Variants in GRIN2B observed in about 807,000 individuals in gnomAD.
The protein encoded by GRIN2B is glutamate receptor ionotropic, NMDA 2B.
Under a neutral mutation model 114.5 loss-of-function variants are expected in GRIN2B, and 5 were observed. The observed-to-expected ratio is 0.04, with a 90% CI of 0.02 to 0.09. The LOEUF (loss-of-function observed/expected upper bound fraction) is 0.09, where lower values mean the gene tolerates loss of function less well. GRIN2B is among the 10% of genes least tolerant of loss of function. The pLI is 1.00. For synonymous variants in GRIN2B, 787 were observed against 745.1 expected (o/e 1.06, Z -0.92); for missense variants, 1,108 against 1,943.5 (o/e 0.57, Z 8.08).
At position 13,816,894 on chromosome 12, in the gene GRIN2B, C is replaced by T. The variant is rs551775542; in HGVS notation, c.411+48904G>A. Among the ~76,000 whole-genome samples the T allele has an allele frequency of 3.9e-5, 6 of 152,260 alleles. No homozygotes were observed. The South Asian group carries it at 1.2e-3, about 32-fold the overall frequency. On this transcript the variant is annotated intron_variant, in intron 3 of 13. Coordinates refer to ENST00000609686, the MANE Select transcript of GRIN2B (RefSeq NM_000834.5). ...ATCTAAACCTAAGTCAAAAACCCTA[C>T]ACTTGAAATTGGAAAAATACAAATC...
intron 5 of GRIN2B, among the ~76,000 whole-genome samples, chr12:13,653,474 CG>C (rs974617497): frequency 6.6e-6 from 1 of 151,470 alleles, no homozygotes; most frequent in Non-Finnish European, 1.5e-5. Flanking sequence ...AGATCAAAAA[CG>C]GTACCCTGGA....
intron 4 of GRIN2B, among the ~76,000 whole-genome samples, chr12:13,718,562 G>T (rs146388541): frequency 1.3e-5 from 2 of 152,082 alleles, no homozygotes; most frequent in East Asian, 3.9e-4. Context: ...TTTTTATGGC[G>T]TTGGAAAGCT....
intron 3 of GRIN2B, among the ~76,000 whole-genome samples, chr12:13,831,789 G>A (rs1865152747): frequency 6.6e-6 from 1 of 152,194 alleles, no homozygotes; most frequent in Non-Finnish European, 1.5e-5. Flanking sequence ...TAAACACTGT[G>A]TGCTGACATA....
intron 2 of GRIN2B, among the ~76,000 whole-genome samples, chr12:13,937,348 C>A (rs1482656027): frequency 1.3e-5 from 2 of 151,796 alleles, no homozygotes; most frequent in African/African-American, 2.4e-5. Flanking sequence ...GGAATCAAAC[C>A]TAATTACATC....
chr12:13,901,408 A>G (rs1157971916), intron 2 of GRIN2B, among the ~76,000 whole-genome samples: 1 of 152,160 alleles, frequency 6.6e-6, no homozygotes, highest in African/African-American at 2.4e-5. Context: ...AATATAACTT[A>G]AAGAAACTAC....
intron 5 of GRIN2B, among the ~76,000 whole-genome samples, chr12:13,651,276 G>A (rs186259479): frequency 3.3e-5 from 5 of 152,206 alleles, no homozygotes; most frequent in Admixed American, 2.6e-4. Context: ...GTCTTTGATA[G>A]TGGAGTCTGT....
chr12:13,901,577 T>A (rs1866453675), intron 2 of GRIN2B, among the ~76,000 whole-genome samples: 1 of 152,094 alleles, frequency 6.6e-6, no homozygotes, highest in African/African-American at 2.4e-5. Flanking sequence ...TAATTTAATT[T>A]AAATAGGCGT....
In GRIN2B at chr12:13,622,427, G is replaced by A. The variant is rs560579764; in HGVS notation, c.1126-5770C>T. On this transcript the variant is annotated intron_variant, in intron 5 of 13. Coordinates refer to ENST00000609686, the MANE Select transcript of GRIN2B (RefSeq NM_000834.5). ...GACTCTGAATAGAGCAGAAATCCGA[G>A]GACAGGAGGACACCCTCACTTCCCC... Among the ~76,000 whole-genome samples, 14 of 152,156 alleles carry A rather than the reference G, an allele frequency of 9.2e-5. No individual in the cohort carries two copies. The South Asian group carries it at 1.2e-3, about 14-fold the overall frequency.
intron 2 of GRIN2B, among the ~76,000 whole-genome samples, chr12:13,967,558 A>G (rs1252370631): frequency 1.3e-5 from 2 of 152,226 alleles, no homozygotes; most frequent in African/African-American, 4.8e-5. Context: ...TAAGCACAGA[A>G]CCTGTAGGTG....
intron 2 of GRIN2B, among the ~76,000 whole-genome samples, chr12:13,885,811 G>C (rs755853166): frequency 6.6e-6 from 1 of 152,214 alleles, no homozygotes; most frequent in East Asian, 1.9e-4. Flanking sequence ...AATAAAGGTG[G>C]TAACGGTATA....
At chr12:13,590,556 A>G (rs1451999538) in intron 10 of GRIN2B, among the ~76,000 whole-genome samples, 1 of 152,110 alleles carries the variant, frequency 6.6e-6, no homozygotes, top group East Asian at 1.9e-4. Flanking sequence ...AGCTTTATCC[A>G]TGTCCCTGCA....
intron 3 of GRIN2B, among the ~76,000 whole-genome samples, chr12:13,813,327 AT>A (rs1469679644): frequency 6.6e-6 from 1 of 152,206 alleles, no homozygotes; most frequent in Non-Finnish European, 1.5e-5. Flanking sequence ...AAATATCAGA[AT>A]TATGATATAA....
intron 5 of GRIN2B, among the ~76,000 whole-genome samples, chr12:13,633,634 C>T (rs1565483672): frequency 6.6e-6 from 1 of 152,190 alleles, no homozygotes; most frequent in Non-Finnish European, 1.5e-5. Flanking sequence ...AAAGAGAGCT[C>T]ATGCCAAACT....
chr12:13,797,959 G>A (rs1422643606), intron 3 of GRIN2B, among the ~76,000 whole-genome samples: 1 of 152,082 alleles, frequency 6.6e-6, no homozygotes, highest in Admixed American at 6.6e-5. Context: ...ATAATCACTT[G>A]CAGACTTCAG....
intron 3 of GRIN2B, among the ~76,000 whole-genome samples, chr12:13,802,640 T>C (rs1864536131): frequency 5.9e-5 from 9 of 152,270 alleles, no homozygotes; most frequent in Admixed American, 5.9e-4. Flanking sequence ...AGATGTTTCT[T>C]GATGGGAAAG....
chr12:13,577,450 A>T (rs1020415482), intron 10 of GRIN2B, among the ~76,000 whole-genome samples: 2 of 152,210 alleles, frequency 1.3e-5, no homozygotes, highest in Non-Finnish European at 2.9e-5. Context: ...CTCAAGGGCC[A>T]GGAGTCAAGG....
intron 5 of GRIN2B, among the ~76,000 whole-genome samples, chr12:13,660,252 C>T (rs192214721): frequency 8.5e-5 from 13 of 152,274 alleles, no homozygotes; most frequent in South Asian, 2.1e-4. Flanking sequence ...ATGAATAACA[C>T]GAAGTACAAT....
chr12:13,747,106 A>G (rs1296600816), intron 4 of GRIN2B, among the ~76,000 whole-genome samples: 1 of 152,248 alleles, frequency 6.6e-6, no homozygotes, highest in Non-Finnish European at 1.5e-5. Context: ...AAGGGAGGAG[A>G]AAGAGGAAGA....
At chr12:13,669,378 C>A (rs1162059303) in intron 5 of GRIN2B, among the ~76,000 whole-genome samples, 1 of 152,040 alleles carries the variant, frequency 6.6e-6, no homozygotes, top group Non-Finnish European at 1.5e-5. Flanking sequence ...TTCCCATAGC[C>A]TTTCTCCATG....
Sources: gnomAD v4.1 joint callset for allele counts (sites outside exome capture counted in the v4.1 genomes callset) on GRCh38, gnomAD v4.1.1 for gene constraint, MANE v1.5 for transcripts, NCBI Gene and HGNC (gene_info 2026-07-23, HGNC 2026-07-21) for gene names.